The following SVOPL variants were observed in gnomAD, a reference collection of about 807,000 sequenced individuals.
SVOPL encodes putative transporter SVOPL.
In SVOPL, 60 loss-of-function variants were observed where a neutral mutation model predicts 61.0. The observed-to-expected ratio is 0.98, with a 90% CI of 0.80 to 1.22. The LOEUF is 1.22. Among genes scored for constraint, SVOPL ranks in the 50% most tolerant of loss-of-function variants. The probability of loss-of-function intolerance (pLI) is 0.00; values close to 1 mark genes in which losing one functional copy is unlikely to be tolerated. For missense variants in SVOPL, 662 were observed against 643.9 expected, an observed-to-expected ratio of 1.03 and a Z score of -0.30; for synonymous variants, 279 against 250.0, an observed-to-expected ratio of 1.12 and a Z score of -1.09.
chr7:138,641,825 TATATATATAAC>T (rs1408157497), intron 9 of SVOPL, among the ~76,000 whole-genome samples: 2 of 140,080 alleles, frequency 1.4e-5, no homozygotes, highest in African/African-American at 2.6e-5. Flanking sequence ...TATATATATA[TATATATATAAC>T]ATATATATAT....
At chr7:138,625,191 G>A (rs1318570603) in intron 13 of SVOPL, 1 of 152,154 alleles carries the variant, frequency 6.6e-6, no homozygotes, top group Non-Finnish European at 1.5e-5. Flanking sequence ...GAAGTATTAT[G>A]TATAATTCAA....
intron 14 of SVOPL, among the ~76,000 whole-genome samples, chr7:138,615,208 G>C (rs1372597696): frequency 6.6e-6 from 1 of 152,004 alleles, no homozygotes; most frequent in Non-Finnish European, 1.5e-5. Context: ...GGGCCTTTGG[G>C]GATGATCAGG....
At chr7:138,675,746 C>T (rs2117116766) in intron 3 of SVOPL, among the ~76,000 whole-genome samples, 1 of 152,264 alleles carries the variant, frequency 6.6e-6, no homozygotes, top group South Asian at 2.1e-4. Flanking sequence ...TGTATTTTTA[C>T]CCTCCGGCCC....
intron 9 of SVOPL, among the ~76,000 whole-genome samples, chr7:138,633,941 T>A (rs1318545127): frequency 6.6e-6 from 1 of 152,118 alleles, no homozygotes. Context: ...CATCAACTCA[T>A]CCCGTGGTGG....
chr7:138,664,119 C>G, intron 4 of SVOPL: 1 of 748,928 alleles, frequency 1.3e-6, no homozygotes, highest in South Asian at 6.0e-5. Flanking sequence ...CTCCAGCTCT[C>G]CCTCTGCCTC....
intron 9 of SVOPL, among the ~76,000 whole-genome samples, chr7:138,631,191 A>G (rs1281906258): frequency 2.0e-5 from 3 of 152,052 alleles, no homozygotes; most frequent in African/African-American, 7.2e-5. Flanking sequence ...TTTTGCTCCA[A>G]TGGTTAATTT....
chr7:138,612,461 AAAG>A lies in SVOPL; in HGVS notation c.1353+8582_1353+8584del, dbSNP rs1452191117. On this transcript the variant is annotated intron_variant, in intron 14 of 15. Coordinates refer to ENST00000674285, the MANE Select transcript of SVOPL (RefSeq NM_001139456.2). ...TAAAAAAAAAATAAAAAAAAAAAAA[AAAG>A]AAAGATAAGACTTTATCTTTCATCC... Among the ~76,000 whole-genome samples, 3 of 19,906 alleles carry A rather than the reference AAAG, an allele frequency of 1.5e-4. 1 individual carries two copies. The highest frequency in any genetic ancestry group is 1.6e-3 in the Admixed American group (2 of 1,224). 13.1% of individuals were successfully genotyped at this position (19,906 alleles called of 152,430 possible).
intron 3 of SVOPL, among the ~76,000 whole-genome samples, chr7:138,677,312 T>C (rs1160450817): frequency 1.3e-5 from 2 of 152,080 alleles, no homozygotes; most frequent in African/African-American, 2.4e-5. Flanking sequence ...AAGACCCACG[T>C]GATCTCTGAG....
At chr7:138,689,555 G>C in intron 1 of SVOPL, 5 of 409,146 alleles carry the variant, frequency 1.2e-5, no homozygotes, top group East Asian at 1.0e-4. Context: ...GAAATTAAAA[G>C]TAAAAAAAGA....
intron 8 of SVOPL, among the ~76,000 whole-genome samples, chr7:138,648,532 CCAAAAAAAAA>C (rs1484007839): frequency 9.6e-6 from 1 of 104,058 alleles, no homozygotes. Context: ...TACTAAAAAT[CCAAAAAAAAA>C]AAAAAAAAAA....
intron 14 of SVOPL, among the ~76,000 whole-genome samples, chr7:138,616,340 C>CTTTTT (rs5887891): frequency 6.8e-6 from 1 of 146,124 alleles, no homozygotes; most frequent in African/African-American, 2.5e-5. Flanking sequence ...ATCTTTAATA[C>CTTTTT]TTTTTTTTTT....
chr7:138,605,043 T>C (rs11764864), intron 14 of SVOPL, among the ~76,000 whole-genome samples: 54,608 of 151,272 alleles, frequency 0.36, 10,414 homozygotes, highest in Admixed American at 0.43. Context: ...CAATGAGCCC[T>C]GAGCTCTAAA....
Position 138,678,474 on chromosome 7 carries a change from C to T in SVOPL, c.134G>A (p.Arg45His), listed in dbSNP as rs909297466. Residue 45 changes from arginine (R) to histidine (H), a missense_variant, in exon 3 of 16, where the codon CGT becomes CAT. Transcript: ENST00000674285. ...GATCAGAAAGAGGGCAATGTGGAAA[C>T]GCCCGAAGCCGATAGTCTCCACTGC... is the stretch of plus-strand genomic sequence containing the variant. ...EDAVETIGFGRFHIALFLIMG... is the reference protein window; with the variant it reads ...EDAVETIGFGHFHIALFLIMG... 4.3e-5 allele frequency: 66 copies of T among 1,551,756 alleles called. No individual in the cohort carries two copies. The highest frequency in any genetic ancestry group is 1.1e-4 in the African/African-American group (8 of 73,060).
At chr7:138,619,564 A>AG (rs1799456627) in intron 14 of SVOPL, among the ~76,000 whole-genome samples, 1 of 125,680 alleles carries the variant, frequency 8.0e-6, no homozygotes. Flanking sequence ...CAGATGTTAA[A>AG]AAAAAAAAAA....
intron 9 of SVOPL, among the ~76,000 whole-genome samples, chr7:138,642,405 A>T (rs1800857566): frequency 6.6e-6 from 1 of 152,108 alleles, no homozygotes; most frequent in African/African-American, 2.4e-5. Context: ...AAAGAGAGAA[A>T]GCACAAATAA....
chr7:138,595,353 T>C (rs1159456728), intron 15 of SVOPL, among the ~76,000 whole-genome samples: 1 of 152,166 alleles, frequency 6.6e-6, no homozygotes, highest in Admixed American at 6.5e-5. Flanking sequence ...TTAAGATTTT[T>C]CCCAAAGACA....
At chr7:138,641,835 A>ATATAT (rs1208355061) in intron 9 of SVOPL, among the ~76,000 whole-genome samples, 3 of 20,070 alleles carry the variant, frequency 1.5e-4, no homozygotes, top group African/African-American at 2.2e-4. Context: ...TATATATATA[A>ATATAT]CATATATATA....
At chr7:138,605,164 C>T (rs1246842539) in intron 14 of SVOPL, among the ~76,000 whole-genome samples, 1 of 133,226 alleles carries the variant, frequency 7.5e-6, no homozygotes, top group African/African-American at 2.8e-5. Flanking sequence ...ATGAAGCATT[C>T]AATAAAAATG....
At position 138,594,482 on chromosome 7, in the gene SVOPL, TA is replaced by T. The variant is rs112396955; in HGVS notation, c.*127del. ...CCTACCCCATTCCCATATATGCCTTTAAAAAAAAAATCACTTTACTAATTAC... is the reference window on the plus strand; with the variant it reads ...CCTACCCCATTCCCATATATGCCTTTAAAAAAAAATCACTTTACTAATTAC... On this transcript the variant is annotated 3_prime_UTR_variant, in exon 16 of 16. Transcript: ENST00000674285. 1,030 of 689,214 alleles carry T rather than the reference TA, an allele frequency of 1.5e-3. No individual in the cohort carries two copies. The highest frequency in any genetic ancestry group is 2.9e-3 in the East Asian group (91 of 31,292). 42.7% of individuals were successfully genotyped at this position (689,214 alleles called of 1,614,324 possible). A position where few individuals can be genotyped will look rare whatever the true frequency, so the allele number is the denominator to read the frequency against.
Sources: gnomAD v4.1 joint callset for allele counts (sites outside exome capture counted in the v4.1 genomes callset) on GRCh38, gnomAD v4.1.1 for gene constraint, MANE v1.5 for transcripts, NCBI Gene and HGNC (gene_info 2026-07-23, HGNC 2026-07-21) for gene names.